The following DCTN4 variants were observed in gnomAD, a reference collection of about 807,000 sequenced individuals.
The protein encoded by DCTN4 is dynactin 4 (p62).
A neutral mutation model predicts 62.7 loss-of-function variants in DCTN4; 23 were observed. That is an observed-to-expected ratio of 0.37 (90% CI 0.26 to 0.52). The LOEUF (loss-of-function observed/expected upper bound fraction) is 0.52. DCTN4 is among the 20% of genes least tolerant of loss of function. The probability of loss-of-function intolerance (pLI) is 0.92; values close to 1 mark genes in which losing one functional copy is unlikely to be tolerated. For missense variants in DCTN4, 514 were observed against 580.4 expected (o/e 0.89, Z 1.18); for synonymous variants, 199 against 202.1 (o/e 0.98, Z 0.13).
chr5:150,751,203 C>T (rs1752665136), intron 3 of DCTN4, among the ~76,000 whole-genome samples: 1 of 152,014 alleles, frequency 6.6e-6, no homozygotes, highest in Admixed American at 6.5e-5. Flanking sequence ...TATAAATAAA[C>T]AAATAGTTCT....
At chr5:150,723,064 G>T in intron 8 of DCTN4, 84 bp from the exon 9 acceptor site, 1 of 983,292 alleles carries the variant, frequency 1.0e-6, no homozygotes. Context: ...CAGAAGGACA[G>T]CATTTACGAG....
chr5:150,718,950 C>G (rs1243479085), intron 10 of DCTN4, among the ~76,000 whole-genome samples: 1 of 152,068 alleles, frequency 6.6e-6, no homozygotes, highest in Non-Finnish European at 1.5e-5. Flanking sequence ...TCCTGAGTAG[C>G]TGGGACCACA....
intron 4 of DCTN4, 86 bp downstream of exon 4, chr5:150,742,028 A>T: frequency 1.8e-6 from 2 of 1,129,062 alleles, no homozygotes; most frequent in Non-Finnish European, 2.7e-6. Context: ...AACACAGCTC[A>T]TATCTACCCA....
chr5:150,742,068 A>C (rs749458032), intron 4 of DCTN4, 46 bp downstream of exon 4: 1 of 1,568,888 alleles, frequency 6.4e-7, no homozygotes, highest in Non-Finnish European at 8.8e-7. Flanking sequence ...TCTTTTACTC[A>C]ATTTTTTCCG....
chr5:150,755,699 AAG>A (rs1752834880), intron 2 of DCTN4: 1 of 389,070 alleles, frequency 2.6e-6, no homozygotes, highest in African/African-American at 2.1e-5. Context: ...CACCACACCC[AAG>A]AGGAGTCTAG....
chr5:150,720,825 G>GA (rs1430094499), intron 9 of DCTN4, among the ~76,000 whole-genome samples: 1 of 152,070 alleles, frequency 6.6e-6, no homozygotes, highest in Non-Finnish European at 1.5e-5. Flanking sequence ...AATGATGTCA[G>GA]AAAAAAATCA....
intron 8 of DCTN4, among the ~76,000 whole-genome samples, chr5:150,725,801 T>C (rs1426010398): frequency 1.3e-5 from 2 of 152,362 alleles, no homozygotes; most frequent in East Asian, 3.9e-4. Flanking sequence ...AGCAGCAGCA[T>C]GTGCAAAGAA....
chr5:150,711,783 G>A (rs1049631474), intron 12 of DCTN4, among the ~76,000 whole-genome samples: 2 of 152,150 alleles, frequency 1.3e-5, no homozygotes, highest in African/African-American at 2.4e-5. Flanking sequence ...GCCTCCAAAA[G>A]TGCTGGGATT....
intron 5 of DCTN4, chr5:150,731,974 C>A: frequency 7.2e-7 from 1 of 1,384,098 alleles, no homozygotes; most frequent in Non-Finnish European, 1.0e-6. Flanking sequence ...TAGAAGCAAA[C>A]GCATATAGCA....
intron 11 of DCTN4, among the ~76,000 whole-genome samples, chr5:150,715,897 G>A: frequency 6.7e-6 from 1 of 148,726 alleles, no homozygotes; most frequent in East Asian, 1.9e-4. Context: ...TGTCTTTAAT[G>A]TTTTATTTTA....
In DCTN4 at chr5:150,746,710, C is replaced by A. The variant is rs559760041; in HGVS notation, c.386-4553G>T. ...AACCACATGATTATCTCAATAGATG[C>A]AGAAAAGGCCTTTGACAAAATTCAA... On this transcript the variant is annotated intron_variant, in intron 3 of 12. Transcript: ENST00000447998. Among the ~76,000 whole-genome samples, 9 of 152,246 alleles carry A rather than the reference C, an allele frequency of 5.9e-5. No individual in the cohort carries two copies. The East Asian group carries it at 1.7e-3, about 29-fold the overall frequency.
chr5:150,719,733 T>C lies in DCTN4; in HGVS notation c.946A>G (p.Asn316Asp). 6.2e-7 allele frequency: 1 copy of C among 1,611,448 alleles called. No homozygotes were observed. The highest frequency in any genetic ancestry group is 1.1e-5 in the South Asian group (1 of 90,754). Residue 316 changes from asparagine (N) to aspartate (D), a missense_variant, in exon 10 of 13, where the codon AAC (asparagine) becomes GAC (aspartate). By Grantham distance (23) the Asn-to-Asp change is conservative. Transcript: ENST00000447998. ...IPEVRIMSIPNLRYMKESQVL... is the reference protein window; with the variant it reads ...IPEVRIMSIPDLRYMKESQVL... ...GTACTAACCTTCATGTAGCGAAGGTTGGGAATTGACATGATTCTCACTTCT... is the reference window on the plus strand; with the variant it reads ...GTACTAACCTTCATGTAGCGAAGGTCGGGAATTGACATGATTCTCACTTCT...
rs906993397 is a variant in DCTN4 at position 150,727,701 on chromosome 5, G to A, written c.834+2930C>T. Among the ~76,000 whole-genome samples the A allele has an allele frequency of 3.4e-3, 497 of 147,654 alleles. 2 individuals are homozygous for A. The highest frequency in any genetic ancestry group is 0.011 in the African/African-American group (438 of 39,504). On this transcript the variant is annotated intron_variant, in intron 8 of 12. Transcript: ENST00000447998. ...TGAGGCAGGAGAATGGCGTGAACCC[G>A]GGAGGCGGAGCTTGCAGTGAGCCGA...
Position 150,719,777 on chromosome 5 carries a change from A to G in DCTN4, c.909-7T>C, listed in dbSNP as rs1759894076. 1 of 1,596,440 alleles carries G rather than the reference A, an allele frequency of 6.3e-7. No homozygotes were observed. Among genetic ancestry groups the G allele is most frequent in the African/African-American group, 1.3e-5 (1 of 74,298 alleles). ...CACTTCTGGAATATAATTGCTGTGC[A>G]TAAATAAAAAAATGCATTAATGTTC... On this transcript the variant is annotated splice_polypyrimidine_tract_variant and splice_region_variant and intron_variant, in intron 9 of 12. Transcript: ENST00000447998.
At chr5:150,758,790 G>C in intron 1 of DCTN4, 69 bp downstream of exon 1, 1 of 1,581,428 alleles carries the variant, frequency 6.3e-7, no homozygotes, top group Non-Finnish European at 8.6e-7. Context: ...CAGCCTTCCG[G>C]TGGCAGTGAC....
At position 150,709,271 on chromosome 5, in the gene DCTN4, T is replaced by G. The variant is rs116137531; in HGVS notation, c.*1878A>C. The G allele has an allele frequency of 1.3e-5, 2 of 152,454 alleles. No homozygotes were observed. The highest frequency in any genetic ancestry group is 4.1e-4 in the South Asian group (2 of 4,830). The allele number at this position is 152,454 out of a possible 1,614,324, so 9.4% of individuals were successfully genotyped here. A position where few individuals can be genotyped will look rare whatever the true frequency, so the allele number is the denominator to read the frequency against. On this transcript the variant is annotated 3_prime_UTR_variant, in exon 13 of 13. Transcript: ENST00000447998. ...TTTGTGTTTCTGTGTATGGGAATGATGAGACCCATACTTCAACATTATTAC... is the reference window on the plus strand; with the variant it reads ...TTTGTGTTTCTGTGTATGGGAATGAGGAGACCCATACTTCAACATTATTAC...
intron 4 of DCTN4, chr5:150,736,444 G>A (rs1760585604): frequency 6.6e-6 from 1 of 152,172 alleles, no homozygotes; most frequent in South Asian, 2.1e-4. Flanking sequence ...AAGGGACTGG[G>A]GTCCTATCTT....
chr5:150,715,821 C>CT (rs1191746114), intron 11 of DCTN4, among the ~76,000 whole-genome samples, 159 bp from the exon 12 acceptor site: 1 of 152,188 alleles, frequency 6.6e-6, no homozygotes, highest in East Asian at 1.9e-4. Context: ...TAAGAGAAAG[C>CT]TAAGTTAGTA....
chr5:150,745,980 T>C (rs1760946710), intron 3 of DCTN4, among the ~76,000 whole-genome samples: 1 of 149,830 alleles, frequency 6.7e-6, no homozygotes. Flanking sequence ...AAAAAACCCT[T>C]CAAAAAATTA....
Sources: allele counts gnomAD v4.1 joint callset (sites outside exome capture counted in the v4.1 genomes callset), GRCh38; gene constraint gnomAD v4.1.1; transcripts MANE v1.5; gene names NCBI Gene and HGNC (gene_info 2026-07-23, HGNC 2026-07-21).